ABTB3: variants seen among roughly 807,000 people sequenced by gnomAD.
ABTB3 encodes the protein ankyrin repeat- and BTB/POZ domain-containing protein 3.
chr12:107,646,412 C>T, the ABTB3 span, among the ~76,000 whole-genome samples: 1 of 151,024 alleles, frequency 6.6e-6, no homozygotes, highest in African/African-American at 2.4e-5. Flanking sequence ...ATGTTCAGGG[C>T]GGTCATTCTT....
the ABTB3 span, among the ~76,000 whole-genome samples, chr12:107,329,691 G>C: frequency 2.0e-5 from 3 of 152,220 alleles, no homozygotes; most frequent in South Asian, 4.1e-4. Context: ...TGTTACATGA[G>C]AGTAATAGTG....
chr12:107,346,583 C>T, the ABTB3 span, among the ~76,000 whole-genome samples: 1 of 152,100 alleles, frequency 6.6e-6, no homozygotes, highest in Non-Finnish European at 1.5e-5. Flanking sequence ...CCTCAGCCTC[C>T]CAAGTAGCTG....
the ABTB3 span, among the ~76,000 whole-genome samples, chr12:107,633,949 A>G: frequency 3.3e-5 from 5 of 152,358 alleles, 1 homozygote. Flanking sequence ...CTTTGAGAAG[A>G]ACTGCATTAA....
At chr12:107,411,306 CA>C in the ABTB3 span, among the ~76,000 whole-genome samples, 7 of 152,020 alleles carry the variant, frequency 4.6e-5, no homozygotes, top group African/African-American at 1.4e-4. Flanking sequence ...CTCCCCCCTC[CA>C]AAAAAAATTT....
chr12:107,323,683 A>G, the ABTB3 span, among the ~76,000 whole-genome samples: 3 of 152,160 alleles, frequency 2.0e-5, no homozygotes, highest in Non-Finnish European at 2.9e-5. Context: ...ACTCCTTTAG[A>G]GCTGGCCAGT....
At chr12:107,643,752 C>CTTTTTTTTT in the ABTB3 span, among the ~76,000 whole-genome samples, 59 of 111,366 alleles carry the variant, frequency 5.3e-4, no homozygotes, top group Non-Finnish European at 7.2e-4. Flanking sequence ...ATTGTTATTC[C>CTTTTTTTTT]TTTTTTTTTT....
At chr12:107,445,265 G>T in the ABTB3 span, among the ~76,000 whole-genome samples, 3 of 152,272 alleles carry the variant, frequency 2.0e-5, no homozygotes, top group Non-Finnish European at 1.5e-5. Flanking sequence ...GAGAATTCAA[G>T]GATATAAATA....
chr12:107,473,127 G>A, the ABTB3 span, among the ~76,000 whole-genome samples: 4 of 152,194 alleles, frequency 2.6e-5, no homozygotes, highest in East Asian at 3.9e-4. Flanking sequence ...CTTTTCATTC[G>A]TGAACTTCTC....
chr12:107,618,212 G>C, the ABTB3 span: 2 of 1,613,990 alleles, frequency 1.2e-6, no homozygotes, highest in Non-Finnish European at 1.7e-6. Context: ...GTGATATCCT[G>C]TCCCTGGAGG....
At chr12:107,656,779 CAGAT>C in the ABTB3 span, among the ~76,000 whole-genome samples, 1 of 152,198 alleles carries the variant, frequency 6.6e-6, no homozygotes, top group African/African-American at 2.4e-5. Flanking sequence ...TCCTCAGAAT[CAGAT>C]AGGCAACTCG....
chr12:107,550,976 A>G, the ABTB3 span, among the ~76,000 whole-genome samples: 1 of 152,236 alleles, frequency 6.6e-6, no homozygotes, highest in Non-Finnish European at 1.5e-5. Context: ...ACAAGTCACA[A>G]CTGACTGGCT....
the ABTB3 span, among the ~76,000 whole-genome samples, chr12:107,608,963 T>TAA: frequency 2.7e-5 from 2 of 74,002 alleles, no homozygotes; most frequent in Admixed American, 1.5e-4. Flanking sequence ...AAATATAAAA[T>TAA]AAAATATAAA....
At chr12:107,511,062 A>G in the ABTB3 span, among the ~76,000 whole-genome samples, 1 of 152,190 alleles carries the variant, frequency 6.6e-6, no homozygotes, top group African/African-American at 2.4e-5. Context: ...GGGCCCTGAG[A>G]TGAAAATGTG....
At chr12:107,347,756 A>G in the ABTB3 span, among the ~76,000 whole-genome samples, 1 of 152,206 alleles carries the variant, frequency 6.6e-6, no homozygotes, top group Non-Finnish European at 1.5e-5. Context: ...GAGAGTGGGA[A>G]GAATCCCACC....
chr12:107,483,891 T>C, the ABTB3 span, among the ~76,000 whole-genome samples: 5 of 152,166 alleles, frequency 3.3e-5, no homozygotes, highest in African/African-American at 1.2e-4. Context: ...GGGGTCTCAC[T>C]GTGTTGTCCA....
the ABTB3 span, chr12:107,581,319 G>C: frequency 7.6e-7 from 1 of 1,316,072 alleles, no homozygotes; most frequent in Non-Finnish European, 9.6e-7. Flanking sequence ...GCGCGGGGGC[G>C]GGCGGGGGGC....
the ABTB3 span, among the ~76,000 whole-genome samples, chr12:107,375,970 C>T: frequency 2.0e-5 from 3 of 152,316 alleles, no homozygotes; most frequent in East Asian, 5.8e-4. Flanking sequence ...TGCGCCATCT[C>T]TTATTTGTCA....
the ABTB3 span, among the ~76,000 whole-genome samples, chr12:107,562,084 A>T: frequency 6.6e-6 from 1 of 152,254 alleles, no homozygotes; most frequent in Non-Finnish European, 1.5e-5. Context: ...GGACCTCTGC[A>T]GTATCACCAG....
At chr12:107,618,242 T>C in the ABTB3 span, 1 of 1,613,958 alleles carries the variant, frequency 6.2e-7, no homozygotes, top group Non-Finnish European at 8.5e-7. Flanking sequence ...CCGAGGGGAC[T>C]GACCTGGCGG....
Sources: allele counts gnomAD v4.1 joint callset (sites outside exome capture counted in the v4.1 genomes callset), GRCh38; gene constraint gnomAD v4.1.1; transcripts MANE v1.5; gene names NCBI Gene and HGNC (gene_info 2026-07-23, HGNC 2026-07-21).